The following GLTP variants were observed in gnomAD, a reference collection of about 807,000 sequenced individuals.
The protein encoded by GLTP is glycolipid transfer protein.
Under a neutral mutation model 24.0 loss-of-function variants are expected in GLTP, and 22 were observed. The observed-to-expected ratio is 0.92, with a 90% CI of 0.65 to 1.31. The LOEUF (loss-of-function observed/expected upper bound fraction) is 1.31, where lower values mean the gene tolerates loss of function less well. GLTP is among the 50% of genes most tolerant of loss of function. The pLI is 0.00. For synonymous variants in GLTP, 92 were observed against 115.9 expected (o/e 0.79, Z 1.33); for missense variants, 224 against 276.6 (o/e 0.81, Z 1.35).
chr12:109,862,727 G>A (rs575347354), intron 1 of GLTP, among the ~76,000 whole-genome samples: 3 of 152,170 alleles, frequency 2.0e-5, no homozygotes, highest in Non-Finnish European at 2.9e-5. Flanking sequence ...TCCAGCCTGC[G>A]CAACAGAGTG....
chr12:109,858,774 CGCA>C, intron 1 of GLTP, 33 bp from the exon 2 acceptor site: 1 of 1,486,752 alleles, frequency 6.7e-7, no homozygotes, highest in Non-Finnish European at 9.4e-7. Flanking sequence ...GATTGAGATT[CGCA>C]GCAAGAGTGA....
At position 109,851,988 on chromosome 12, in the gene GLTP, C is replaced by G. The variant is rs1447901508; in HGVS notation, c.*567G>C. 1.3e-5 allele frequency: 2 copies of G among 152,436 alleles called. No homozygotes were observed. The highest frequency in any genetic ancestry group is 2.9e-5 in the Non-Finnish European group (2 of 68,236). The allele number at this position is 152,436 out of a possible 1,614,324, so 9.4% of individuals were successfully genotyped here. A position where few individuals can be genotyped will look rare whatever the true frequency, so the allele number is the denominator to read the frequency against. ...TCAGCCTCCTGAGTAGCTGGAACTA[C>G]AGGCGTGCGCCACCATGCCCAGCTA... is the stretch of plus-strand genomic sequence containing the variant. On this transcript the variant is annotated 3_prime_UTR_variant, in exon 5 of 5. Coordinates refer to ENST00000318348, the MANE Select transcript of GLTP (RefSeq NM_016433.4).
intron 1 of GLTP, among the ~76,000 whole-genome samples, chr12:109,870,895 C>T (rs183113949): frequency 2.0e-5 from 3 of 152,126 alleles, no homozygotes; most frequent in African/African-American, 7.2e-5. Flanking sequence ...CTAGAAGACC[C>T]TGGAGAGGGC....
chr12:109,852,968 C>T (rs1180246034), intron 4 of GLTP, among the ~76,000 whole-genome samples: 2 of 152,220 alleles, frequency 1.3e-5, no homozygotes, highest in East Asian at 3.9e-4. Flanking sequence ...TCTGGGCCAT[C>T]AACTAGCTGT....
At position 109,880,219 on chromosome 12, in the gene GLTP, G is replaced by T; in HGVS notation, c.103+53C>A. Reference sequence around the variant, plus strand: ...GTTAGGGGATGCTCGGGGGAAGGAGGATTCGGGTGCGCGTGGGGCTGCGGG... The same window carrying T: ...GTTAGGGGATGCTCGGGGGAAGGAGTATTCGGGTGCGCGTGGGGCTGCGGG... On this transcript the variant is annotated intron_variant, in intron 1 of 4. Coordinates refer to ENST00000318348, the MANE Select transcript of GLTP (RefSeq NM_016433.4). The surrounding 1 kb of genome is among the most constrained non-coding windows in gnomAD (Gnocchi z 5.1). The T allele has an allele frequency of 9.3e-7, 1 of 1,074,446 alleles. No homozygotes were observed. Among genetic ancestry groups the T allele is most frequent in the Non-Finnish European group, 1.4e-6 (1 of 714,002 alleles). 66.6% of individuals were successfully genotyped at this position (1,074,446 alleles called of 1,614,324 possible).
chr12:109,863,512 T>TG (rs1868428253), intron 1 of GLTP, among the ~76,000 whole-genome samples: 1 of 152,164 alleles, frequency 6.6e-6, no homozygotes, highest in Non-Finnish European at 1.5e-5. Context: ...AGTGAATGAA[T>TG]GGACTGTGGG....
intron 3 of GLTP, among the ~76,000 whole-genome samples, chr12:109,856,369 G>A (rs940288242): frequency 6.6e-6 from 1 of 152,178 alleles, no homozygotes; most frequent in Non-Finnish European, 1.5e-5. Context: ...GGTACAACAA[G>A]GAGTCCACAT....
In GLTP at chr12:109,852,546, T is replaced by C; in HGVS notation, c.*9A>G. ...CACGAGTCGGGGACGTGTCCAGCAGTGGGCATGCCTACACCTTGTAGTTAA... is the reference window on the plus strand; with the variant it reads ...CACGAGTCGGGGACGTGTCCAGCAGCGGGCATGCCTACACCTTGTAGTTAA... On this transcript the variant is annotated 3_prime_UTR_variant, in exon 5 of 5. Coordinates refer to ENST00000318348, the MANE Select transcript of GLTP (RefSeq NM_016433.4). 6.3e-7 allele frequency: 1 copy of C among 1,579,722 alleles called. No homozygotes were observed.
intron 1 of GLTP, among the ~76,000 whole-genome samples, chr12:109,868,857 G>A (rs574943789): frequency 1.1e-4 from 17 of 152,172 alleles, no homozygotes; most frequent in East Asian, 9.6e-4. Context: ...CTGGGGGTGC[G>A]GGTTGTCATG....
rs1892779645 is a variant in GLTP at position 109,855,259 on chromosome 12, A to T, written c.447+360T>A. The stretch of plus-strand genomic sequence containing the variant: ...ATGGGAGCTGAATTTGAGGGGTCGA[A>T]TTGGAGGGGTAAATTTGAGGGGCCA... On this transcript the variant is annotated intron_variant, in intron 4 of 4. Transcript: ENST00000318348. The surrounding 1 kb of genome is among the most constrained non-coding windows in gnomAD (Gnocchi z 4.1). 6.6e-6 allele frequency among the ~76,000 whole-genome samples: 1 copy of T among 152,082 alleles called. No homozygotes were observed. Among genetic ancestry groups the T allele is most frequent in the Admixed American group, 6.5e-5 (1 of 15,270 alleles).
intron 1 of GLTP, among the ~76,000 whole-genome samples, chr12:109,875,844 G>C (rs527575335): frequency 1.3e-5 from 2 of 152,180 alleles, no homozygotes; most frequent in East Asian, 3.9e-4. Context: ...ACCTAACAAA[G>C]GTTTAAGAAA....
intron 3 of GLTP, among the ~76,000 whole-genome samples, chr12:109,856,652 G>C (rs1892800116): frequency 6.6e-6 from 1 of 152,184 alleles, no homozygotes. Flanking sequence ...GATCAAGTCA[G>C]GGTGGGGTGC....
At chr12:109,877,330 T>C (rs1034442029) in intron 1 of GLTP, among the ~76,000 whole-genome samples, 7 of 152,118 alleles carry the variant, frequency 4.6e-5, no homozygotes, top group Non-Finnish European at 7.3e-5. Context: ...ACGGGGAAAT[T>C]TTTATATATC....
chr12:109,852,620 C>G lies in GLTP; in HGVS notation c.565G>C (p.Ala189Pro). ...KIRLFLVNYT[A>P]TIDVIYEMYT... ...ATCTCGTAGATGACATCGATGGTCGCCGTGTAGTTGACTAGGAAGAGGCGG... is the reference window on the plus strand; with the variant it reads ...ATCTCGTAGATGACATCGATGGTCGGCGTGTAGTTGACTAGGAAGAGGCGG... Residue 189 changes from alanine (A) to proline (P), a missense_variant, in exon 5 of 5, where the codon GCG becomes CCG. Ala to Pro is a conservative substitution (Grantham distance 27). Coordinates refer to ENST00000318348, the MANE Select transcript of GLTP (RefSeq NM_016433.4). The G allele has an allele frequency of 6.2e-7, 1 of 1,607,534 alleles. No homozygotes were observed. Among genetic ancestry groups the G allele is most frequent in the Non-Finnish European group, 8.5e-7 (1 of 1,174,104 alleles).
chr12:109,859,475 C>T (rs1333888658), intron 1 of GLTP, among the ~76,000 whole-genome samples: 1 of 152,012 alleles, frequency 6.6e-6, no homozygotes, highest in African/African-American at 2.4e-5. Context: ...GGGGAGATCA[C>T]GCCACTACAC....
chr12:109,862,342 A>G (rs4766640), intron 1 of GLTP, among the ~76,000 whole-genome samples: 102,580 of 152,064 alleles, frequency 0.67, 36,444 homozygotes, highest in African/African-American at 0.89. Context: ...CCTGGAAGGT[A>G]TTCTCTTCCA....
chr12:109,875,660 C>T (rs1318882352), intron 1 of GLTP, among the ~76,000 whole-genome samples: 1 of 152,196 alleles, frequency 6.6e-6, no homozygotes, highest in Non-Finnish European at 1.5e-5. Flanking sequence ...AGAAGATAAA[C>T]AAAGGGCTGG....
Position 109,855,812 on chromosome 12 carries a change from C to T in GLTP, c.297-43G>A. ...GAAGGTTCGTTAGGACCCTGCACAG[C>T]CCTGTCGTGAAAGACCCTGATGGAC... On this transcript the variant is annotated intron_variant, in intron 3 of 4. Coordinates refer to ENST00000318348, the MANE Select transcript of GLTP (RefSeq NM_016433.4). The surrounding 1 kb of genome is among the most constrained non-coding windows in gnomAD (Gnocchi z 4.1). 2 of 1,485,170 alleles carry T rather than the reference C, an allele frequency of 1.3e-6. No homozygotes were observed. Among genetic ancestry groups the T allele is most frequent in the Admixed American group, 2.3e-5 (1 of 43,192 alleles). The allele number at this position is 1,485,170 out of a possible 1,614,324, so 92.0% of individuals were successfully genotyped here. A position where few individuals can be genotyped will look rare whatever the true frequency, so the allele number is the denominator to read the frequency against.
intron 4 of GLTP, among the ~76,000 whole-genome samples, 181 bp from the exon 5 acceptor site, chr12:109,852,918 A>T (rs1351929156): frequency 2.0e-5 from 3 of 151,132 alleles, no homozygotes; most frequent in Admixed American, 1.3e-4. Flanking sequence ...CAGGAAGGAC[A>T]TCAGCTTTCG....
Sources: allele counts gnomAD v4.1 joint callset (sites outside exome capture counted in the v4.1 genomes callset), GRCh38; gene constraint gnomAD v4.1.1; non-coding constraint Gnocchi (gnomAD v3.1); transcripts MANE v1.5; gene names NCBI Gene and HGNC (gene_info 2026-07-23, HGNC 2026-07-21).